ARHGEF18: variants seen among roughly 807,000 people sequenced by gnomAD.
ARHGEF18 encodes the protein rho guanine nucleotide exchange factor 18.
A neutral mutation model predicts 155.7 loss-of-function variants in ARHGEF18; 93 were observed. That is an observed-to-expected ratio of 0.60 (90% CI 0.50 to 0.71). The LOEUF (loss-of-function observed/expected upper bound fraction) is 0.71, where lower values mean the gene tolerates loss of function less well. ARHGEF18 is among the 30% of genes least tolerant of loss of function. The pLI is 0.00. For missense variants in ARHGEF18, 1,593 were observed against 1,816.1 expected (o/e 0.88, Z 2.23); for synonymous variants, 742 against 753.1 (o/e 0.99, Z 0.24).
At chr19:7,372,757 T>C (rs1160931606) in intron 2 of ARHGEF18, 55 bp from the exon 3 acceptor site, 2 of 1,232,716 alleles carry the variant, frequency 1.6e-6, no homozygotes, top group East Asian at 6.3e-5. Flanking sequence ...GACCCCAGGT[T>C]CTGCTGCCCC....
intron 8 of ARHGEF18, 63 bp from the exon 9 acceptor site, chr19:7,382,729 C>A: frequency 8.5e-7 from 1 of 1,179,612 alleles, no homozygotes; most frequent in Non-Finnish European, 1.1e-6. Flanking sequence ...CTGAAGCAAC[C>A]CACAGGGCTG....
chr19:7,420,244 A>C (rs1973272800), intron 10 of ARHGEF18, among the ~76,000 whole-genome samples: 1 of 152,054 alleles, frequency 6.6e-6, no homozygotes. Context: ...CTACAGGTGT[A>C]TGCCACCACG....
At chr19:7,431,600 G>C (rs1260905327) in intron 10 of ARHGEF18, among the ~76,000 whole-genome samples, 2 of 151,146 alleles carry the variant, frequency 1.3e-5, no homozygotes, top group East Asian at 3.9e-4. Context: ...TGGATCACCT[G>C]AGGTCGGGAG....
At chr19:7,405,436 C>G (rs1056471437) in intron 10 of ARHGEF18, among the ~76,000 whole-genome samples, 2 of 152,156 alleles carry the variant, frequency 1.3e-5, no homozygotes, top group African/African-American at 2.4e-5. Context: ...CTAGGGCCCA[C>G]CCTAAATCGA....
At chr19:7,425,933 G>A (rs941470716) in intron 10 of ARHGEF18, among the ~76,000 whole-genome samples, 44 of 152,146 alleles carry the variant, frequency 2.9e-4, no homozygotes, top group African/African-American at 1.0e-3. Flanking sequence ...TCAGGAGTTC[G>A]AGGCTACAGT....
At chr19:7,425,233 C>T (rs1416048442) in intron 10 of ARHGEF18, among the ~76,000 whole-genome samples, 1 of 151,882 alleles carries the variant, frequency 6.6e-6, no homozygotes, top group Non-Finnish European at 1.5e-5. Context: ...AGGTGACTCA[C>T]CTATAGCAGT....
intron 10 of ARHGEF18, among the ~76,000 whole-genome samples, chr19:7,385,704 G>A (rs1474894006): frequency 6.6e-6 from 1 of 151,766 alleles, no homozygotes; most frequent in Non-Finnish European, 1.5e-5. Flanking sequence ...TTAAACTCCT[G>A]ACCTCAAGTG....
chr19:7,459,811 G>A lies in ARHGEF18; in HGVS notation c.2361-92G>A, dbSNP rs147478179. On this transcript the variant is annotated intron_variant, in intron 19 of 28. Transcript: ENST00000668164. Reference sequence around the variant, plus strand: ...CTAAATCACTCCCAAAGTCAGAGACGGTCGTGGCGGCTGGTTCTGCAGAAC... The same window carrying A: ...CTAAATCACTCCCAAAGTCAGAGACAGTCGTGGCGGCTGGTTCTGCAGAAC... 2,972 of 1,045,724 alleles carry A rather than the reference G, an allele frequency of 2.8e-3. 38 individuals carry two copies. The highest frequency in any genetic ancestry group is 0.016 in the East Asian group (612 of 37,392). The allele number at this position is 1,045,724 out of a possible 1,614,324, so 64.8% of individuals were successfully genotyped here.
intron 10 of ARHGEF18, among the ~76,000 whole-genome samples, chr19:7,401,268 GC>G (rs1398590429): frequency 2.0e-5 from 3 of 151,978 alleles, no homozygotes; most frequent in Non-Finnish European, 4.4e-5. Context: ...CCACTTGGGG[GC>G]TCCTAACCAA....
chr19:7,395,174 A>G lies in ARHGEF18; in HGVS notation c.967+11971A>G, dbSNP rs2145535280. ...GCTACTGTGGATCTGGGGGGGCCGGACGGAGGCATCGGAGGCGGCTGCGAG... is the reference window on the plus strand; with the variant it reads ...GCTACTGTGGATCTGGGGGGGCCGGGCGGAGGCATCGGAGGCGGCTGCGAG... On this transcript the variant is annotated intron_variant, in intron 10 of 28. Transcript: ENST00000668164. This position sits in a 1 kb window ranked among gnomAD's most constrained non-coding sequence, Gnocchi z 5.0. 1.0e-6 allele frequency: 1 copy of G among 986,048 alleles called. No homozygotes were observed. Among genetic ancestry groups the G allele is most frequent in the Non-Finnish European group, 1.2e-6 (1 of 830,454 alleles). The allele number at this position is 986,048 out of a possible 1,614,324, so 61.1% of individuals were successfully genotyped here. A position where few individuals can be genotyped will look rare whatever the true frequency, so the allele number is the denominator to read the frequency against.
intron 10 of ARHGEF18, among the ~76,000 whole-genome samples, chr19:7,417,186 T>G (rs1973078065): frequency 6.6e-6 from 1 of 152,148 alleles, no homozygotes; most frequent in South Asian, 2.1e-4. Flanking sequence ...GTGCTGGGAT[T>G]ACAGGTGTGA....
chr19:7,393,578 A>C (rs1364142213), intron 10 of ARHGEF18, among the ~76,000 whole-genome samples: 1 of 152,108 alleles, frequency 6.6e-6, no homozygotes, highest in East Asian at 1.9e-4. Flanking sequence ...ACTCCTGGTT[A>C]CTGTTCAACT....
At chr19:7,446,916 AAG>A in intron 14 of ARHGEF18, 125 bp from the exon 15 acceptor site, 1 of 1,186,932 alleles carries the variant, frequency 8.4e-7, no homozygotes, top group Non-Finnish European at 1.1e-6. Context: ...AAAAAAGAAG[AAG>A]AAAGAAAGAA....
Position 7,440,151 on chromosome 19 carries a change from G to A in ARHGEF18, c.968-193G>A, listed in dbSNP as rs565647538. The A allele has an allele frequency of 7.1e-6, 11 of 1,551,168 alleles. No individual in the cohort carries two copies. Among genetic ancestry groups the A allele is most frequent in the Non-Finnish European group, 9.6e-6 (11 of 1,146,938 alleles). On this transcript the variant is annotated intron_variant, in intron 10 of 28. Transcript: ENST00000668164. This position sits in a 1 kb window ranked among gnomAD's most constrained non-coding sequence, Gnocchi z 5.4. ...CGGGGACAGGCACAGCGCGCTCCCC[G>A]GCCGCCCCGAGCTGTCTTTTTACGG...
chr19:7,435,446 G>A (rs1472726211), intron 10 of ARHGEF18, among the ~76,000 whole-genome samples: 1 of 152,162 alleles, frequency 6.6e-6, no homozygotes, highest in Non-Finnish European at 1.5e-5. Flanking sequence ...GGGACAGAGG[G>A]GAAAATATGG....
chr19:7,362,223 AAG>A (rs779645388), intron 1 of ARHGEF18, among the ~76,000 whole-genome samples: 3 of 145,748 alleles, frequency 2.1e-5, no homozygotes, highest in Non-Finnish European at 3.0e-5. Flanking sequence ...GAAGAGGAAG[AAG>A]AGGAAGAAGA....
chr19:7,409,699 C>T (rs1449709301), intron 10 of ARHGEF18, among the ~76,000 whole-genome samples: 1 of 151,874 alleles, frequency 6.6e-6, no homozygotes, highest in Non-Finnish European at 1.5e-5. Flanking sequence ...ACCTCGGCCT[C>T]CCAGAGTGTT....
At chr19:7,403,949 C>T (rs1251462772) in intron 10 of ARHGEF18, among the ~76,000 whole-genome samples, 4 of 148,302 alleles carry the variant, frequency 2.7e-5, no homozygotes, top group Non-Finnish European at 4.4e-5. Context: ...CCTGTAATCC[C>T]AGCTACTGAT....
intron 1 of ARHGEF18, among the ~76,000 whole-genome samples, chr19:7,355,426 G>A (rs1282488732): frequency 2.0e-5 from 3 of 152,178 alleles, no homozygotes; most frequent in Admixed American, 1.3e-4. Flanking sequence ...GGTGCTAAAG[G>A]GCTTGGCTTC....
Sources: gnomAD v4.1 joint callset for allele counts (sites outside exome capture counted in the v4.1 genomes callset) on GRCh38, gnomAD v4.1.1 for gene constraint, Gnocchi (gnomAD v3.1) non-coding constraint, MANE v1.5 for transcripts, NCBI Gene and HGNC (gene_info 2026-07-23, HGNC 2026-07-21) for gene names.